GCM1: variants seen among roughly 807,000 people sequenced by gnomAD.
The protein encoded by GCM1 is chorion-specific transcription factor GCMa.
GCM1 carries 2 observed loss-of-function variants against 25.7 expected under a neutral mutation model. The observed-to-expected ratio is 0.08, with a 90% CI of 0.03 to 0.24. The LOEUF is 0.24. Ranked by LOEUF, GCM1 falls within the 10% of genes least tolerant of loss-of-function variation. The pLI is 1.00. For synonymous variants in GCM1, 183 were observed against 195.7 expected (o/e 0.94, Z 0.54); for missense variants, 395 against 538.7 (o/e 0.73, Z 2.64).
chr6:53,130,126 T>A (rs1174240153), intron 5 of GCM1, among the ~76,000 whole-genome samples: 5 of 152,182 alleles, frequency 3.3e-5, no homozygotes, highest in Middle Eastern at 3.2e-3. Context: ...ACAATTTTTT[T>A]AAATAAAGTA....
At chr6:53,142,050 AAAAG>A (rs140446816) in intron 2 of GCM1, among the ~76,000 whole-genome samples, 4,417 of 142,450 alleles carry the variant, frequency 0.031, 190 homozygotes, top group Middle Eastern at 0.069. Flanking sequence ...AACAGAAAGA[AAAAG>A]AAAGAAAGAA....
intron 4 of GCM1, 62 bp downstream of exon 4, chr6:53,131,945 T>G (rs756961377): frequency 1.1e-6 from 1 of 931,388 alleles, no homozygotes; most frequent in South Asian, 1.3e-5. Flanking sequence ...CAGGTGCATT[T>G]CTAGCCTCTG....
chr6:53,130,746 C>A, intron 5 of GCM1, 57 bp downstream of exon 5: 1 of 1,492,906 alleles, frequency 6.7e-7, no homozygotes, highest in East Asian at 2.3e-5. Context: ...ATCTACCGCC[C>A]CCAGCACAGG....
At chr6:53,141,034 A>T (rs1412563173) in intron 2 of GCM1, among the ~76,000 whole-genome samples, 2 of 152,142 alleles carry the variant, frequency 1.3e-5, no homozygotes, top group African/African-American at 4.8e-5. Context: ...AACCTTACAC[A>T]AACTCTTCTG....
intron 2 of GCM1, among the ~76,000 whole-genome samples, chr6:53,139,123 C>T (rs189772577): frequency 6.6e-6 from 1 of 152,066 alleles, no homozygotes; most frequent in Admixed American, 6.6e-5. Context: ...ATAGCTTATT[C>T]ATTACTTATA....
intron 2 of GCM1, among the ~76,000 whole-genome samples, chr6:53,145,342 C>G (rs1470646799): frequency 6.6e-6 from 1 of 152,186 alleles, no homozygotes; most frequent in Non-Finnish European, 1.5e-5. Context: ...TTGCATCAGT[C>G]TCTAAGTGTG....
At position 53,136,553 on chromosome 6, in the gene GCM1, T is replaced by C. The variant is rs1763802097; in HGVS notation, c.76-2229A>G. ...GGTTCCACCTCAATGTTAACTGTTA[T>C]TCTACCAGATCTGGAACTGCCCTCA... On this transcript the variant is annotated intron_variant, in intron 2 of 5. Transcript: ENST00000259803. Among the ~76,000 whole-genome samples the C allele has an allele frequency of 3.9e-5, 6 of 152,362 alleles. No individual in the cohort carries two copies. The South Asian group carries it at 1.2e-3, about 32-fold the overall frequency.
chr6:53,146,194 T>TATATA (rs1562092511), intron 1 of GCM1, among the ~76,000 whole-genome samples: 39 of 100,892 alleles, frequency 3.9e-4, no homozygotes, highest in African/African-American at 1.5e-3. Context: ...CATATATGTT[T>TATATA]TATATATATA....
intron 1 of GCM1, among the ~76,000 whole-genome samples, chr6:53,146,212 ATATATTTTTT>A (rs1340946086): frequency 1.7e-5 from 1 of 57,886 alleles, no homozygotes; most frequent in African/African-American, 6.8e-5. Flanking sequence ...ATATATATAT[ATATATTTTTT>A]TTTTTTTTTT....
rs780030285 is a variant in GCM1, at chr6:53,134,148, G to A, written c.252C>T (p.Arg84=). The change falls in exon 3 of 6, where the codon CGC becomes CGT. Residue 84 remains arginine, a synonymous_variant. Coordinates refer to ENST00000259803, the MANE Select transcript of GCM1 (RefSeq NM_003643.4). ...TGCGCCCCTCCTCTGCGAGACAGTC[G>A]CGGCCGCACACCACCACACCCAGGC... ...KSCLGVVVCG[R]DCLAEEGRKI... 1.1e-4 allele frequency: 174 copies of A among 1,613,938 alleles called. No individual in the cohort carries two copies. In the South Asian group the frequency reaches 1.5e-3, roughly 14 times the overall value.
chr6:53,133,697 T>C (rs1763758154), intron 3 of GCM1, among the ~76,000 whole-genome samples: 1 of 152,146 alleles, frequency 6.6e-6, no homozygotes. Context: ...TCTTCTTATG[T>C]TGCCCCGGCT....
Position 53,145,620 on chromosome 6 carries a change from C to T in GCM1, c.13G>A (p.Asp5Asn), listed in dbSNP as rs35646561. MEPD[D>N]FDSEDKEILS... ...ATCTCTTTGTCTTCAGAATCAAAGT[C>T]GTCAGGTTCCATGATAAGGTCAGGC... Residue 5 changes from aspartate (D) to asparagine (N), a missense_variant, in exon 2 of 6, where the codon GAC (aspartate) becomes AAC (asparagine). Transcript: ENST00000259803. 15 of 1,595,272 alleles carry T rather than the reference C, an allele frequency of 9.4e-6. No individual in the cohort carries two copies. The highest frequency in any genetic ancestry group is 2.2e-5 in the South Asian group (2 of 90,540).
chr6:53,140,329 G>A (rs181940200), intron 2 of GCM1, among the ~76,000 whole-genome samples: 116 of 152,164 alleles, frequency 7.6e-4, no homozygotes, highest in Admixed American at 2.7e-3. Context: ...TACTACAACT[G>A]GCTTGTTCTG....
chr6:53,128,457 G>C lies in GCM1; in HGVS notation c.1060C>G (p.Pro354Ala). The C allele has an allele frequency of 6.2e-7, 1 of 1,614,132 alleles. No individual in the cohort carries two copies. The highest frequency in any genetic ancestry group is 1.6e-4 in the Middle Eastern group (1 of 6,062). Residue 354 changes from proline (P) to alanine (A), a missense_variant, in exon 6 of 6, where the codon CCA (proline) becomes GCA (alanine). Physicochemically the swap from Pro to Ala is conservative, Grantham distance 27. This residue lies in a region of GCM1 where 291 missense variants were observed against 314.6 expected (regional missense o/e 0.92). Transcript: ENST00000259803. The part of the protein sequence containing the change: ...EPPAAKTGCP[P>A]LWPNPAGNLY... Reference sequence around the variant, plus strand: ...TTACCCGCTGGATTTGGCCATAATGGGGGACAGCCAGTTTTGGCTGCAGGT... The same window carrying C: ...TTACCCGCTGGATTTGGCCATAATGCGGGACAGCCAGTTTTGGCTGCAGGT...
intron 4 of GCM1, among the ~76,000 whole-genome samples, chr6:53,131,299 T>A (rs1562087559): frequency 6.6e-6 from 1 of 152,210 alleles, no homozygotes; most frequent in African/African-American, 2.4e-5. Flanking sequence ...AACTGAGGCA[T>A]GGAGTGATTA....
chr6:53,128,028 C>CAAAAAAAAA lies in GCM1; in HGVS notation c.*169_*177dup, dbSNP rs1223691364. On this transcript the variant is annotated 3_prime_UTR_variant, in exon 6 of 6. Coordinates refer to ENST00000259803, the MANE Select transcript of GCM1 (RefSeq NM_003643.4). ...TGGGCAAAAGAGCAAGACTCTGTCTCAAAAAAAAAAAAAAAAAAAAAAAAA... is the reference window on the plus strand; with the variant it reads ...TGGGCAAAAGAGCAAGACTCTGTCTCAAAAAAAAAAAAAAAAAAAAAAAAAAAAAAAAAA... The CAAAAAAAAA allele has an allele frequency of 0.049, 3,207 of 65,976 alleles. 269 individuals carry two copies. The highest frequency in any genetic ancestry group is 0.063 in the African/African-American group (598 of 9,500). 4.1% of individuals were successfully genotyped at this position (65,976 alleles called of 1,614,324 possible).
At chr6:53,146,516 G>T (rs992712663) in intron 1 of GCM1, among the ~76,000 whole-genome samples, 15 of 151,928 alleles carry the variant, frequency 9.9e-5, no homozygotes, top group Non-Finnish European at 2.2e-4. Flanking sequence ...CACCGCACCC[G>T]GCCAGAAAAA....
In GCM1 at chr6:53,145,643, G is replaced by A. The variant is rs201962661; in HGVS notation, c.-11C>T. 73 of 1,539,468 alleles carry A rather than the reference G, an allele frequency of 4.7e-5. No individual in the cohort carries two copies. The highest frequency in any genetic ancestry group is 1.7e-4 in the Middle Eastern group (1 of 5,906). On this transcript the variant is annotated 5_prime_UTR_variant, in exon 2 of 6. Coordinates refer to ENST00000259803, the MANE Select transcript of GCM1 (RefSeq NM_003643.4). The stretch of plus-strand genomic sequence containing the variant: ...GTCGTCAGGTTCCATGATAAGGTCA[G>A]GCCAGCCAAGGTTTTCACCTATTCG...
rs1215533059 is a variant in GCM1, at chr6:53,127,821, G to C, written c.*385C>G. ...AGGTGGGCAGATCACTTGAGATCAG[G>C]AGTTTGAGAGCAGCCTGACCAACAT... On this transcript the variant is annotated 3_prime_UTR_variant, in exon 6 of 6. Transcript: ENST00000259803. 1 of 161,596 alleles carries C rather than the reference G, an allele frequency of 6.2e-6. No homozygotes were observed. Among genetic ancestry groups the C allele is most frequent in the Non-Finnish European group, 1.3e-5 (1 of 75,028 alleles). The allele number at this position is 161,596 out of a possible 1,614,324, so 10.0% of individuals were successfully genotyped here.
Sources: gnomAD v4.1 joint callset for allele counts (sites outside exome capture counted in the v4.1 genomes callset) on GRCh38, gnomAD v4.1.1 for gene constraint, gnomAD v4.1.1 regional missense constraint, MANE v1.5 for transcripts, NCBI Gene and HGNC (gene_info 2026-07-23, HGNC 2026-07-21) for gene names.